KATNAL1: variants seen among roughly 807,000 people sequenced by gnomAD.
The protein encoded by KATNAL1 is katanin catalytic subunit A1 like 1.
KATNAL1 carries 32 observed loss-of-function variants against 55.2 expected under a neutral mutation model. The observed-to-expected ratio is 0.58, with a 90% CI of 0.44 to 0.78. The LOEUF (loss-of-function observed/expected upper bound fraction) is 0.78, where lower values mean the gene tolerates loss of function less well. KATNAL1 is among the 30% of genes least tolerant of loss of function. The pLI is 0.00. For synonymous variants in KATNAL1, 193 were observed against 193.6 expected, an observed-to-expected ratio of 1.00 and a Z score of 0.02; for missense variants, 466 against 600.9, an observed-to-expected ratio of 0.78 and a Z score of 2.35.
intron 3 of KATNAL1, among the ~76,000 whole-genome samples, chr13:30,275,785 AAT>A (rs1207430707): frequency 3.7e-4 from 56 of 151,956 alleles, no homozygotes; most frequent in South Asian, 1.0e-3. Flanking sequence ...TATTTCAAAA[AAT>A]ATATATATAT....
intron 4 of KATNAL1, among the ~76,000 whole-genome samples, chr13:30,252,865 G>C (rs1480212714): frequency 3.3e-5 from 5 of 151,918 alleles, no homozygotes; most frequent in African/African-American, 1.2e-4. Context: ...TCATGCCTCA[G>C]CCTCCCAAGT....
intron 9 of KATNAL1, among the ~76,000 whole-genome samples, chr13:30,225,763 T>C (rs1649832842): frequency 6.6e-6 from 1 of 151,596 alleles, no homozygotes; most frequent in African/African-American, 2.4e-5. Context: ...AGCTTTGGGA[T>C]AGACAAGATT....
At chr13:30,210,885 C>T (rs1002488017) in intron 9 of KATNAL1, among the ~76,000 whole-genome samples, 2 of 152,090 alleles carry the variant, frequency 1.3e-5, no homozygotes, top group Admixed American at 1.3e-4. Flanking sequence ...TGACATGGAT[C>T]TCCAGAACTC....
chr13:30,297,949 C>A (rs890717012), intron 1 of KATNAL1, among the ~76,000 whole-genome samples: 4 of 152,154 alleles, frequency 2.6e-5, no homozygotes, highest in African/African-American at 9.7e-5. Context: ...CATTCATATC[C>A]CAAACCTCAG....
At chr13:30,237,014 C>T (rs563219950) in intron 6 of KATNAL1, among the ~76,000 whole-genome samples, 2 of 152,326 alleles carry the variant, frequency 1.3e-5, no homozygotes, top group East Asian at 3.9e-4. Context: ...GACTAAGTCC[C>T]TCTTCCTCTC....
intron 3 of KATNAL1, among the ~76,000 whole-genome samples, chr13:30,270,337 G>A (rs1345424906): frequency 6.6e-6 from 1 of 151,620 alleles, no homozygotes; most frequent in Non-Finnish European, 1.5e-5. Context: ...GCCCCACCCG[G>A]GAGGTGAGGG....
intron 3 of KATNAL1, among the ~76,000 whole-genome samples, chr13:30,271,622 C>T (rs961465228): frequency 2.0e-5 from 3 of 152,114 alleles, no homozygotes; most frequent in Admixed American, 2.0e-4. Flanking sequence ...ATCTAATCAC[C>T]TTCCACCAGG....
intron 2 of KATNAL1, among the ~76,000 whole-genome samples, chr13:30,282,668 A>G (rs1371115967): frequency 2.0e-5 from 3 of 151,144 alleles, no homozygotes; most frequent in Admixed American, 6.6e-5. Flanking sequence ...AGAAAGAAAG[A>G]AAGAGGCCTG....
chr13:30,231,385 C>T lies in KATNAL1; in HGVS notation c.814G>A (p.Val272Ile), dbSNP rs142545814. ...TTAGATGTCAGTGTAGAAGACGAAA[C>T]GTTGAAGAATGTTGTACCACATTCA... ...ATECGTTFFN[V>I]SSSTLTSKYR... The change falls in exon 7 of 11, where the codon GTT becomes ATT. Residue 272 changes from valine (V) to isoleucine (I), a missense_variant. Coordinates refer to ENST00000380615, the MANE Select transcript of KATNAL1 (RefSeq NM_032116.5). 101 of 1,609,498 alleles carry T rather than the reference C, an allele frequency of 6.3e-5. No homozygotes were observed. Among genetic ancestry groups the T allele is most frequent in the Non-Finnish European group, 7.1e-5 (84 of 1,177,902 alleles).
chr13:30,280,620 A>G (rs1168317785), intron 2 of KATNAL1, among the ~76,000 whole-genome samples: 1 of 152,222 alleles, frequency 6.6e-6, no homozygotes, highest in Non-Finnish European at 1.5e-5. Context: ...AAAATTTTCA[A>G]CAGCATTTCC....
chr13:30,274,935 A>G (rs917551620), intron 3 of KATNAL1, among the ~76,000 whole-genome samples: 45 of 151,892 alleles, frequency 3.0e-4, no homozygotes, highest in African/African-American at 1.1e-3. Flanking sequence ...ACACACACAC[A>G]CACACACACA....
intron 1 of KATNAL1, among the ~76,000 whole-genome samples, chr13:30,304,939 A>G (rs958357344): frequency 1.3e-5 from 2 of 152,208 alleles, no homozygotes; most frequent in Non-Finnish European, 2.9e-5. Context: ...TTATCAAGTC[A>G]TATCAATTTT....
chr13:30,218,115 G>A lies in KATNAL1; in HGVS notation c.1148-7673C>T, dbSNP rs534348387. Among the ~76,000 whole-genome samples the A allele has an allele frequency of 2.6e-5, 4 of 151,676 alleles. No individual in the cohort carries two copies. In the South Asian group the frequency reaches 8.3e-4, roughly 32 times the overall value. On this transcript the variant is annotated intron_variant, in intron 9 of 10. Coordinates refer to ENST00000380615, the MANE Select transcript of KATNAL1 (RefSeq NM_032116.5). The stretch of plus-strand genomic sequence containing the variant: ...GAAGCATGCGTGCAGCAGAATGGGG[G>A]AAAAAGGTAAGTAGAAAAATACAAT...
At chr13:30,258,280 T>A (rs673477) in intron 3 of KATNAL1, among the ~76,000 whole-genome samples, 20,571 of 152,144 alleles carry the variant, frequency 0.14, 1,794 homozygotes, top group Middle Eastern at 0.24. Flanking sequence ...ATAAGCCTCA[T>A]CTCCTTCGAA....
At chr13:30,297,376 A>C (rs866658307) in intron 1 of KATNAL1, among the ~76,000 whole-genome samples, 1 of 152,332 alleles carries the variant, frequency 6.6e-6, no homozygotes, top group Middle Eastern at 3.4e-3. Context: ...TTAGCAATAC[A>C]GTCTTTTTTA....
chr13:30,224,833 T>A (rs1169754553), intron 9 of KATNAL1, among the ~76,000 whole-genome samples: 2 of 152,134 alleles, frequency 1.3e-5, no homozygotes, highest in Non-Finnish European at 2.9e-5. Flanking sequence ...GAAAATAAGG[T>A]GTGTAGATTT....
Position 30,208,397 on chromosome 13 carries a change from AT to A in KATNAL1, c.*142del. The A allele has an allele frequency of 1.6e-6, 1 of 636,582 alleles. No homozygotes were observed. Among genetic ancestry groups the A allele is most frequent in the South Asian group, 2.3e-5 (1 of 44,322 alleles). 39.4% of individuals were successfully genotyped at this position (636,582 alleles called of 1,614,324 possible). ...CAATTATTTCTCAACTACATTTAGT[AT>A]TCTTCGCAGTTTTAGATTTTTTTTT... On this transcript the variant is annotated 3_prime_UTR_variant, in exon 11 of 11. Transcript: ENST00000380615.
chr13:30,210,219 T>A, intron 10 of KATNAL1, 97 bp downstream of exon 10: 3 of 980,526 alleles, frequency 3.1e-6, no homozygotes, highest in Non-Finnish European at 4.2e-6. Flanking sequence ...GCTGCTTTCA[T>A]GTCTAACTAC....
chr13:30,275,296 G>A (rs908027114), intron 3 of KATNAL1, among the ~76,000 whole-genome samples: 2 of 152,146 alleles, frequency 1.3e-5, no homozygotes, highest in Non-Finnish European at 2.9e-5. Flanking sequence ...TGCGGGGGCA[G>A]TGCTGCACTC....
Sources: allele counts gnomAD v4.1 joint callset (sites outside exome capture counted in the v4.1 genomes callset), GRCh38; gene constraint gnomAD v4.1.1; transcripts MANE v1.5; gene names NCBI Gene and HGNC (gene_info 2026-07-23, HGNC 2026-07-21).